PDE4D: variants seen among roughly 807,000 people sequenced by gnomAD.
The protein encoded by PDE4D is 3',5'-cyclic-AMP phosphodiesterase 4D.
PDE4D carries 24 observed loss-of-function variants against 87.4 expected under a neutral mutation model. The ratio of observed to expected loss-of-function variants is 0.27; its 90% CI spans 0.20 to 0.39. The LOEUF (loss-of-function observed/expected upper bound fraction) is 0.39, where lower values mean the gene tolerates loss of function less well. PDE4D is among the 10% of genes least tolerant of loss of function. PDE4D has a pLI of 1.00. For synonymous variants in PDE4D, 384 were observed against 383.2 expected (o/e 1.00, Z -0.02); for missense variants, 714 against 1,041.0 (o/e 0.69, Z 4.32).
intron 7 of PDE4D, 132 bp downstream of exon 7, chr5:58,993,240 T>C (rs968784669): frequency 3.7e-6 from 2 of 534,700 alleles, no homozygotes; most frequent in Non-Finnish European, 3.3e-6. Context: ...ATTATTAATA[T>C]GACGAATGAA....
At chr5:60,218,849 C>T (rs1744171463) in intron 1 of PDE4D, among the ~76,000 whole-genome samples, 1 of 152,068 alleles carries the variant, frequency 6.6e-6, no homozygotes, top group East Asian at 1.9e-4. Flanking sequence ...GAAAATAAAA[C>T]TCATTCAGTG....
At chr5:60,323,763 A>AC (rs1756519628) in intron 1 of PDE4D, among the ~76,000 whole-genome samples, 1 of 145,348 alleles carries the variant, frequency 6.9e-6, no homozygotes, top group East Asian at 2.0e-4. Context: ...ACCACCCTCC[A>AC]CCCCCCACCC....
At chr5:60,324,773 T>C (rs1353437321) in intron 1 of PDE4D, among the ~76,000 whole-genome samples, 1 of 152,244 alleles carries the variant, frequency 6.6e-6, no homozygotes, top group African/African-American at 2.4e-5. Context: ...CTGTATAAAA[T>C]GGAGGTGATA....
intron 1 of PDE4D, among the ~76,000 whole-genome samples, chr5:59,856,831 A>T (rs1377644512): frequency 6.6e-6 from 1 of 152,192 alleles, no homozygotes; most frequent in African/African-American, 2.4e-5. Context: ...CATGAAAGCT[A>T]AAATGTTAGT....
intron 2 of PDE4D, among the ~76,000 whole-genome samples, chr5:60,009,128 A>G (rs1764767999): frequency 6.6e-6 from 1 of 152,080 alleles, no homozygotes; most frequent in African/African-American, 2.4e-5. Context: ...TAACAGTATC[A>G]TCAACTGCCT....
At chr5:59,631,173 A>T (rs546084627) in intron 1 of PDE4D, among the ~76,000 whole-genome samples, 1 of 152,260 alleles carries the variant, frequency 6.6e-6, no homozygotes, top group East Asian at 1.9e-4. Flanking sequence ...TCATAATGAC[A>T]CTATCAATTA....
At chr5:60,274,703 T>G (rs918858207) in intron 1 of PDE4D, among the ~76,000 whole-genome samples, 1 of 152,198 alleles carries the variant, frequency 6.6e-6, no homozygotes, top group Non-Finnish European at 1.5e-5. Flanking sequence ...TGCTCTTCAG[T>G]GACTCTACAA....
chr5:59,732,823 C>T (rs944271385), intron 1 of PDE4D, among the ~76,000 whole-genome samples: 2 of 151,922 alleles, frequency 1.3e-5, no homozygotes, highest in Admixed American at 6.6e-5. Context: ...TAAATATGAC[C>T]TTTAAGGACA....
chr5:59,349,025 G>A (rs1240292578), intron 1 of PDE4D, among the ~76,000 whole-genome samples: 1 of 152,120 alleles, frequency 6.6e-6, no homozygotes, highest in African/African-American at 2.4e-5. Context: ...AGGCTGCAAT[G>A]AGTGATGATC....
At chr5:60,171,921 G>A (rs1470530284) in intron 2 of PDE4D, among the ~76,000 whole-genome samples, 1 of 151,308 alleles carries the variant, frequency 6.6e-6, no homozygotes, top group Non-Finnish European at 1.5e-5. Flanking sequence ...ATAAAATTTT[G>A]AGACTTTTTC....
intron 1 of PDE4D, among the ~76,000 whole-genome samples, chr5:60,340,938 GT>G (rs765688531): frequency 6.6e-6 from 1 of 152,070 alleles, no homozygotes; most frequent in Non-Finnish European, 1.5e-5. Context: ...CGGAACTTCT[GT>G]TATCTCTCAG....
At position 59,193,489 on chromosome 5, in the gene PDE4D, G is replaced by A. The variant is rs1245382099; in HGVS notation, c.684+11C>T. ...TGTGAGAAACCTGCCCATTCACCAA[G>A]CTGTGCTTACCTGAGCAAATGGAGT... is the stretch of plus-strand genomic sequence containing the variant. On this transcript the variant is annotated intron_variant, in intron 3 of 14. Coordinates refer to ENST00000340635, the MANE Select transcript of PDE4D (RefSeq NM_001104631.2). The A allele has an allele frequency of 3.7e-6, 6 of 1,612,326 alleles. No homozygotes were observed. In the South Asian group the frequency reaches 4.4e-5, roughly 12 times the overall value.
intron 1 of PDE4D, among the ~76,000 whole-genome samples, chr5:59,480,064 G>C (rs1051779074): frequency 4.0e-5 from 6 of 151,694 alleles, no homozygotes; most frequent in African/African-American, 1.5e-4. Flanking sequence ...ACTTACAGGA[G>C]ACATTTTTTG....
At chr5:60,073,750 TGAGA>T (rs1772987267) in intron 2 of PDE4D, among the ~76,000 whole-genome samples, 1 of 152,058 alleles carries the variant, frequency 6.6e-6, no homozygotes, top group African/African-American at 2.4e-5. Flanking sequence ...TGGTTCAGTC[TGAGA>T]GAGTGTATAT....
chr5:59,637,570 A>C (rs1832409285), intron 1 of PDE4D, among the ~76,000 whole-genome samples: 1 of 146,874 alleles, frequency 6.8e-6, no homozygotes, highest in Non-Finnish European at 1.5e-5. Flanking sequence ...TGCAGACATA[A>C]AAAAAAAAAA....
chr5:59,976,742 G>A (rs1033188485), intron 3 of PDE4D, among the ~76,000 whole-genome samples: 3 of 152,152 alleles, frequency 2.0e-5, no homozygotes, highest in Non-Finnish European at 2.9e-5. Context: ...CATCAAGCAA[G>A]TCTATTGGCA....
At chr5:59,525,769 A>G (rs114230055) in intron 1 of PDE4D, among the ~76,000 whole-genome samples, 1 of 152,308 alleles carries the variant, frequency 6.6e-6, no homozygotes, top group Non-Finnish European at 1.5e-5. Flanking sequence ...TTCTCATGAT[A>G]GTGAGTGACT....
chr5:60,422,044 T>C (rs186842595), intron 1 of PDE4D, among the ~76,000 whole-genome samples: 1,661 of 152,122 alleles, frequency 0.011, 17 homozygotes, highest in Non-Finnish European at 0.016. Context: ...TGGGACTATG[T>C]GAAAAGACCA....
chr5:59,629,017 GATCTC>G (rs1831243102), intron 1 of PDE4D, among the ~76,000 whole-genome samples: 1 of 152,274 alleles, frequency 6.6e-6, no homozygotes, highest in Non-Finnish European at 1.5e-5. Flanking sequence ...AAAACCATCA[GATCTC>G]ATGAGAACTC....
Sources: allele counts gnomAD v4.1 joint callset (sites outside exome capture counted in the v4.1 genomes callset), GRCh38; gene constraint gnomAD v4.1.1; transcripts MANE v1.5; gene names NCBI Gene and HGNC (gene_info 2026-07-23, HGNC 2026-07-21).